The following SNRPN variants were observed in gnomAD, a reference collection of about 807,000 sequenced individuals.
The protein encoded by SNRPN is small nuclear ribonucleoprotein polypeptide N, also known as small nuclear ribonucleoprotein-associated protein N.
In SNRPN, 7 loss-of-function variants were observed where a neutral mutation model predicts 25.2. The observed-to-expected ratio is 0.28, with a 90% CI of 0.16 to 0.52. SNRPN has a LOEUF of 0.52. SNRPN is among the 20% of genes least tolerant of loss of function. The pLI, the probability that SNRPN is intolerant of heterozygous loss-of-function variation, is 0.96. For missense variants in SNRPN, 196 were observed against 322.5 expected (o/e 0.61, Z 3.00); for synonymous variants, 124 against 110.6 (o/e 1.12, Z -0.76).
At chr15:24,881,560 G>A (rs368941922) in intron 1 of SNRPN, among the ~76,000 whole-genome samples, 27 of 42,872 alleles carry the variant, frequency 6.3e-4, no homozygotes, top group African/African-American at 9.3e-4. Flanking sequence ...AGAGAGGGAG[G>A]GAGGGAGGGA....
chr15:24,873,941 AACCTCGC>A (rs2055534938), intron 1 of SNRPN, among the ~76,000 whole-genome samples: 1 of 151,854 alleles, frequency 6.6e-6, no homozygotes, highest in Non-Finnish European at 1.5e-5. Flanking sequence ...CAATTCAAGA[AACCTCGC>A]ACCTCCCACA....
intron 8 of SNRPN, 76 bp from the exon 9 acceptor site, chr15:24,978,117 A>G: frequency 6.9e-7 from 1 of 1,457,262 alleles, no homozygotes; most frequent in Non-Finnish European, 9.5e-7. Context: ...CCATTTCTTT[A>G]GGGATTATTT....
intron 3 of SNRPN, among the ~76,000 whole-genome samples, chr15:24,923,140 G>C (rs774889285): frequency 2.0e-5 from 3 of 151,868 alleles, no homozygotes; most frequent in Non-Finnish European, 4.4e-5. Context: ...TCCTGACCTC[G>C]GGTGATCTGC....
chr15:24,964,243 GTAATA>G (rs1468852408), intron 2 of SNRPN, among the ~76,000 whole-genome samples: 1 of 152,084 alleles, frequency 6.6e-6, no homozygotes, highest in Non-Finnish European at 1.5e-5. Flanking sequence ...AGTATTTTGT[GTAATA>G]TAATTTGTCC....
At chr15:24,842,457 C>G (rs1018100694) in intron 2 of SNRPN, among the ~76,000 whole-genome samples, 3 of 152,138 alleles carry the variant, frequency 2.0e-5, no homozygotes, top group Admixed American at 1.3e-4. Flanking sequence ...GAGCTCATCC[C>G]CAAAGGCTCA....
chr15:24,895,400 AACACACACACACACACACACACAC>A (rs10558727), intron 2 of SNRPN, among the ~76,000 whole-genome samples: 13 of 147,234 alleles, frequency 8.8e-5, no homozygotes, highest in Non-Finnish European at 1.8e-4. Flanking sequence ...AATACACCCA[AACACACACACACACACACACACAC>A]ACACACACAC....
chr15:24,951,886 T>C (rs1378345333), upstream of SNRPN, among the ~76,000 whole-genome samples: 3 of 152,216 alleles, frequency 2.0e-5, no homozygotes, highest in African/African-American at 7.2e-5. Flanking sequence ...TCTCCCATTC[T>C]CTTGGCTGTC....
At chr15:24,832,922 C>T (rs573863657) in intron 2 of SNRPN, among the ~76,000 whole-genome samples, 2 of 151,488 alleles carry the variant, frequency 1.3e-5, no homozygotes, top group African/African-American at 2.4e-5. Flanking sequence ...CTGGCTAACA[C>T]GGTGAAACCC....
chr15:24,967,859 G>C, intron 2 of SNRPN, 73 bp from the exon 3 acceptor site: 1 of 1,132,928 alleles, frequency 8.8e-7, no homozygotes, highest in Non-Finnish European at 1.3e-6. Flanking sequence ...AGGGTACCTA[G>C]TTTTCTTTCA....
intron 1 of SNRPN, among the ~76,000 whole-genome samples, chr15:24,862,825 T>G (rs1047574900): frequency 2.0e-5 from 3 of 148,774 alleles, no homozygotes; most frequent in South Asian, 2.1e-4. Context: ...ACAGGGGAGG[T>G]AAAGGGAAGA....
intron 2 of SNRPN, among the ~76,000 whole-genome samples, chr15:24,967,565 C>T (rs1566965729): frequency 6.6e-6 from 1 of 151,800 alleles, no homozygotes; most frequent in South Asian, 2.1e-4. Context: ...TGGCGTGAAC[C>T]CAGGAGGCGG....
chr15:24,873,471 A>G (rs1246177494), intron 1 of SNRPN, among the ~76,000 whole-genome samples: 1 of 127,168 alleles, frequency 7.9e-6, no homozygotes, highest in Non-Finnish European at 1.7e-5. Flanking sequence ...TTTTTGAGAC[A>G]AAGTCTCGCT....
intron 3 of SNRPN, among the ~76,000 whole-genome samples, chr15:24,973,301 G>C (rs546557861): frequency 1.5e-4 from 23 of 152,194 alleles, no homozygotes; most frequent in Non-Finnish European, 2.5e-4. Context: ...AGTAGACTCT[G>C]TGTATCCTCT....
intron 1 of SNRPN, among the ~76,000 whole-genome samples, chr15:24,956,110 G>A (rs992113218): frequency 3.9e-5 from 6 of 152,202 alleles, no homozygotes; most frequent in African/African-American, 1.2e-4. Flanking sequence ...AGGAACCCTC[G>A]CTTTAGAGGC....
chr15:24,939,814 G>C (rs1596037780), intron 3 of SNRPN, among the ~76,000 whole-genome samples: 2 of 142,852 alleles, frequency 1.4e-5, no homozygotes, highest in Middle Eastern at 8.1e-3. Context: ...TTTTGATACA[G>C]AGTCTCACTC....
intron 2 of SNRPN, among the ~76,000 whole-genome samples, chr15:24,889,447 C>CTT (rs1566875472): frequency 6.6e-6 from 1 of 151,868 alleles, no homozygotes; most frequent in Non-Finnish European, 1.5e-5. Context: ...GGACTACAGG[C>CTT]GCCTGCCACC....
At chr15:24,918,511 AATAT>A (rs1312423475) in intron 2 of SNRPN, among the ~76,000 whole-genome samples, 6 of 112,830 alleles carry the variant, frequency 5.3e-5, no homozygotes, top group African/African-American at 2.0e-4. Context: ...TATATAACAT[AATAT>A]ATATATGTGT....
intron 2 of SNRPN, among the ~76,000 whole-genome samples, chr15:24,918,418 GTGTATATATAAC>G (rs2059692995): frequency 1.6e-5 from 1 of 63,088 alleles, no homozygotes; most frequent in Non-Finnish European, 3.1e-5. Flanking sequence ...TAATATATAT[GTGTATATATAAC>G]ATAATATATA....
At chr15:24,964,037 GA>G (rs577352737) in intron 2 of SNRPN, among the ~76,000 whole-genome samples, 5 of 149,818 alleles carry the variant, frequency 3.3e-5, no homozygotes, top group African/African-American at 7.3e-5. Flanking sequence ...GTCTCAAAAA[GA>G]AAAAAAAAGT....
Sources: gnomAD v4.1 joint callset for allele counts (sites outside exome capture counted in the v4.1 genomes callset) on GRCh38, gnomAD v4.1.1 for gene constraint, MANE v1.5 for transcripts, NCBI Gene and HGNC (gene_info 2026-07-23, HGNC 2026-07-21) for gene names.